DENND2B: variants seen among roughly 807,000 people sequenced by gnomAD.
DENND2B encodes DENN domain containing 2B, also known as DENN domain-containing protein 2B.
Under a neutral mutation model 116.0 loss-of-function variants are expected in DENND2B, and 32 were observed. That is an observed-to-expected ratio of 0.28 (90% CI 0.21 to 0.37). The LOEUF is 0.37. DENND2B is among the 10% of genes least tolerant of loss of function. The pLI is 1.00. For synonymous variants in DENND2B, 588 were observed against 583.9 expected (o/e 1.01, Z -0.10); for missense variants, 1,276 against 1,477.7 (o/e 0.86, Z 2.24).
At chr11:8,723,227 T>C (rs1270093531) in intron 4 of DENND2B, among the ~76,000 whole-genome samples, 1 of 152,234 alleles carries the variant, frequency 6.6e-6, no homozygotes, top group East Asian at 1.9e-4. Flanking sequence ...CCCTTGACTA[T>C]GCTGGGTGCT....
At chr11:8,792,391 C>T (rs1250360132) in intron 1 of DENND2B, among the ~76,000 whole-genome samples, 1 of 151,808 alleles carries the variant, frequency 6.6e-6, no homozygotes, top group Non-Finnish European at 1.5e-5. Flanking sequence ...AACTCCACAG[C>T]CGAGAAGCGA....
At chr11:8,700,693 A>AT (rs2041400980) in intron 14 of DENND2B, among the ~76,000 whole-genome samples, 1 of 152,146 alleles carries the variant, frequency 6.6e-6, no homozygotes, top group Non-Finnish European at 1.5e-5. Flanking sequence ...ACTGCTTGGG[A>AT]TGGATTCTTT....
intron 3 of DENND2B, among the ~76,000 whole-genome samples, chr11:8,841,570 A>G (rs1368526298): frequency 2.0e-5 from 3 of 152,200 alleles, no homozygotes; most frequent in Non-Finnish European, 2.9e-5. Flanking sequence ...GGATTGCTTG[A>G]GCCTGGGCGG....
rs201331816 is a variant in DENND2B, at chr11:8,894,543, A to C, written c.-255-13434T>G. Among the ~76,000 whole-genome samples the C allele has an allele frequency of 5.1e-4, 68 of 133,666 alleles. No individual in the cohort carries two copies. The East Asian group carries it at 0.014, about 27-fold the overall frequency. 87.7% of individuals were successfully genotyped at this position (133,666 alleles called of 152,430 possible). A position where few individuals can be genotyped will look rare whatever the true frequency, so the allele number is the denominator to read the frequency against. ...CCAGAATCTACAATGAACTCCAACA[A>C]ATTTACAAGAAAAAAACAAACAACC... On this transcript the variant is annotated intron_variant, in intron 1 of 22. Transcript: ENST00000534127.
chr11:8,888,891 G>A (rs1389296147), intron 1 of DENND2B, among the ~76,000 whole-genome samples: 3 of 152,110 alleles, frequency 2.0e-5, no homozygotes, highest in Non-Finnish European at 2.9e-5. Flanking sequence ...CTATTAGGAT[G>A]GCTACCATTA....
chr11:8,861,152 A>G (rs766330324), intron 2 of DENND2B, among the ~76,000 whole-genome samples: 1 of 152,188 alleles, frequency 6.6e-6, no homozygotes, highest in African/African-American at 2.4e-5. Context: ...TAAGACCCCA[A>G]AAGCGAATGT....
intron 1 of DENND2B, among the ~76,000 whole-genome samples, chr11:8,909,439 A>AAGAAGAAGAAGG (rs11280727): frequency 2.3e-3 from 341 of 149,346 alleles, no homozygotes; most frequent in Non-Finnish European, 4.4e-3. Flanking sequence ...GAGGAGGAGG[A>AAGAAGAAGAAGG]AGAAGGAGAA....
At chr11:8,819,582 G>A (rs920999032) in intron 4 of DENND2B, among the ~76,000 whole-genome samples, 2 of 152,206 alleles carry the variant, frequency 1.3e-5, no homozygotes, top group African/African-American at 4.8e-5. Context: ...CACGTACCCC[G>A]ATACCATGTG....
intron 2 of DENND2B, among the ~76,000 whole-genome samples, chr11:8,744,147 TTG>T (rs1342712360): frequency 5.3e-5 from 8 of 151,300 alleles, no homozygotes; most frequent in Non-Finnish European, 1.0e-4. Context: ...TTTTTTTTTT[TTG>T]GGGGACAGAG....
chr11:8,726,609 G>T (rs931094630), intron 3 of DENND2B, among the ~76,000 whole-genome samples: 3 of 152,248 alleles, frequency 2.0e-5, no homozygotes, highest in African/African-American at 7.2e-5. Context: ...TCTCACTCCA[G>T]GGCCTGAGCT....
intron 1 of DENND2B, among the ~76,000 whole-genome samples, chr11:8,907,383 C>A (rs1485875511): frequency 6.6e-6 from 1 of 152,140 alleles, no homozygotes; most frequent in African/African-American, 2.4e-5. Flanking sequence ...AGGTCATGTT[C>A]TATCATTATT....
At chr11:8,877,438 A>G (rs2063856707) in intron 2 of DENND2B, 1 of 151,524 alleles carries the variant, frequency 6.6e-6, no homozygotes, top group Non-Finnish European at 1.5e-5. Flanking sequence ...CAAATGAAGC[A>G]GTGGGAGCAG....
intron 5 of DENND2B, among the ~76,000 whole-genome samples, chr11:8,717,325 G>A (rs1284629741): frequency 1.3e-5 from 2 of 152,220 alleles, no homozygotes; most frequent in South Asian, 4.1e-4. Context: ...CCAGTACTGA[G>A]ATGACTTCTG....
At chr11:8,799,875 A>G (rs557400953) in intron 1 of DENND2B, among the ~76,000 whole-genome samples, 1 of 151,296 alleles carries the variant, frequency 6.6e-6, no homozygotes, top group African/African-American at 2.4e-5. Context: ...ATGAGTACAA[A>G]GTTCCACGTG....
chr11:8,714,510 C>T, intron 7 of DENND2B, 100 bp downstream of exon 7: 1 of 1,016,604 alleles, frequency 9.8e-7, no homozygotes, highest in Non-Finnish European at 1.5e-6. Flanking sequence ...GTGGCCATTT[C>T]CTGGCAGGGC....
chr11:8,788,785 T>C (rs546234005), intron 1 of DENND2B, among the ~76,000 whole-genome samples: 1 of 152,364 alleles, frequency 6.6e-6, no homozygotes, highest in East Asian at 1.9e-4. Context: ...CTCTACTGTC[T>C]GACCACAATT....
rs78006126 is a variant in DENND2B at position 8,819,496 on chromosome 11, G to A, written c.-114-8161C>T. On this transcript the variant is annotated intron_variant, in intron 4 of 6. Coordinates refer to the DENND2B transcript ENST00000524757. The stretch of plus-strand genomic sequence containing the variant: ...ATTACAAAGGTAGAAATAACCTCAC[G>A]GTGGAGAAATGGACACATATCACCT... Among the ~76,000 whole-genome samples the A allele has an allele frequency of 7.5e-3, 1,146 of 152,212 alleles. 7 individuals are homozygous for A. The highest frequency in any genetic ancestry group is 0.034 in the Middle Eastern group (10 of 294).
chr11:8,839,896 G>C (rs1051470761), intron 3 of DENND2B, among the ~76,000 whole-genome samples: 2 of 152,112 alleles, frequency 1.3e-5, no homozygotes, highest in African/African-American at 4.8e-5. Context: ...AGAACCCAGG[G>C]GAAGGGAATT....
At chr11:8,860,037 T>A (rs181455649) in intron 2 of DENND2B, among the ~76,000 whole-genome samples, 2 of 152,074 alleles carry the variant, frequency 1.3e-5, no homozygotes, top group Admixed American at 6.5e-5. Flanking sequence ...CATCAAAACT[T>A]AGGAAGAAAA....
Sources: allele counts gnomAD v4.1 joint callset (sites outside exome capture counted in the v4.1 genomes callset), GRCh38; gene constraint gnomAD v4.1.1; transcripts MANE v1.5; gene names NCBI Gene and HGNC (gene_info 2026-07-23, HGNC 2026-07-21).